ARMC10: variants seen among roughly 807,000 people sequenced by gnomAD.
ARMC10 encodes the protein armadillo repeat containing 10.
In ARMC10, 23 loss-of-function variants were observed where a neutral mutation model predicts 30.2. The ratio of observed to expected loss-of-function variants is 0.76; its 90% CI spans 0.55 to 1.08. ARMC10 has a LOEUF of 1.08. ARMC10 is among the 50% of genes least tolerant of loss of function. The pLI, the probability that ARMC10 is intolerant of heterozygous loss-of-function variation, is 0.00. For missense variants in ARMC10, 303 were observed against 413.7 expected (o/e 0.73, Z 2.32); for synonymous variants, 111 against 164.4 (o/e 0.68, Z 2.48).
Position 103,075,257 on chromosome 7 carries a change from C to G in ARMC10, c.-16C>G, listed in dbSNP as rs1378801151. 1 of 1,187,750 alleles carries G rather than the reference C, an allele frequency of 8.4e-7. No homozygotes were observed. The highest frequency in any genetic ancestry group is 3.7e-5 in the East Asian group (1 of 27,268). 73.6% of individuals were successfully genotyped at this position (1,187,750 alleles called of 1,614,324 possible). On this transcript the variant is annotated 5_prime_UTR_variant, in exon 1 of 7. Transcript: ENST00000323716. ...CCTGCCCTGGCCCGGCGCTGCGGCT[C>G]TGCCGCGGCGGCAGCATGGGTGGCC...
intron 2 of ARMC10, among the ~76,000 whole-genome samples, chr7:103,076,230 C>T (rs1254684143): frequency 2.6e-5 from 4 of 152,162 alleles, no homozygotes; most frequent in African/African-American, 9.7e-5. Context: ...CATACGTGTT[C>T]TCAAGATAAA....
At chr7:103,078,681 T>C (rs956947129) in intron 2 of ARMC10, among the ~76,000 whole-genome samples, 1 of 152,212 alleles carries the variant, frequency 6.6e-6, no homozygotes, top group Non-Finnish European at 1.5e-5. Flanking sequence ...TTTTGTTTTT[T>C]TTTGAGACGG....
intron 3 of ARMC10, chr7:103,084,147 C>A: frequency 1.3e-6 from 1 of 756,900 alleles, no homozygotes. Context: ...ACAATGAATG[C>A]ATCTAACATT....
intron 2 of ARMC10, 31 bp downstream of exon 2, chr7:103,075,912 TGC>T (rs1799739597): frequency 6.8e-7 from 1 of 1,476,994 alleles, no homozygotes; most frequent in Non-Finnish European, 9.2e-7. Context: ...AACAGTTGTC[TGC>T]GCGAGACACA....
At chr7:103,078,973 C>T (rs1800139091) in intron 2 of ARMC10, among the ~76,000 whole-genome samples, 1 of 152,108 alleles carries the variant, frequency 6.6e-6, no homozygotes, top group Non-Finnish European at 1.5e-5. Flanking sequence ...TGTGCCGCTG[C>T]TCTCCAGCCT....
chr7:103,086,890 A>G (rs1800911798), intron 4 of ARMC10, 126 bp downstream of exon 4: 1 of 1,525,920 alleles, frequency 6.6e-7, no homozygotes. Flanking sequence ...CTTTAGAGGA[A>G]TGGAGAATAA....
intron 4 of ARMC10, chr7:103,086,984 C>T: frequency 2.3e-6 from 3 of 1,288,982 alleles, no homozygotes; most frequent in Non-Finnish European, 3.1e-6. Context: ...GTTTATTCTA[C>T]AGGTTATCCT....
intron 2 of ARMC10, among the ~76,000 whole-genome samples, chr7:103,076,321 G>A (rs1191540481): frequency 6.6e-6 from 1 of 152,166 alleles, no homozygotes; most frequent in Non-Finnish European, 1.5e-5. Flanking sequence ...GGTAATTGGG[G>A]TGGTTGTTAT....
chr7:103,097,521 A>T (rs908253821), intron 6 of ARMC10, among the ~76,000 whole-genome samples, 173 bp downstream of exon 6: 1 of 152,216 alleles, frequency 6.6e-6, no homozygotes, highest in South Asian at 2.1e-4. Context: ...ATTTTTTGCA[A>T]TGAGCCTCTT....
In ARMC10 at chr7:103,097,313, A is replaced by T. The variant is rs1408024372; in HGVS notation, c.742A>T (p.Asn248Tyr). Residue 248 changes from asparagine to tyrosine, a missense_variant, in exon 6 of 7, where the codon AAT becomes TAT. Around this residue, in one of 4 missense-constraint regions of ARMC10, gnomAD observed 170 missense variants for 207.2 expected, o/e 0.82. Transcript: ENST00000323716. ...VLKLLLNLSE[N>Y]PAMTEGLLRA... ...GAAACTGCTTTTGAATTTGTCTGAA[A>T]ATCCAGCCATGACAGAAGGACTTCT... The T allele has an allele frequency of 1.2e-6, 2 of 1,613,878 alleles. No homozygotes were observed. Among genetic ancestry groups the T allele is most frequent in the Non-Finnish European group, 1.7e-6 (2 of 1,179,882 alleles).
At chr7:103,085,521 A>G (rs1233943596) in intron 3 of ARMC10, among the ~76,000 whole-genome samples, 1 of 152,078 alleles carries the variant, frequency 6.6e-6, no homozygotes, top group Non-Finnish European at 1.5e-5. Context: ...GTTTGAGCCA[A>G]AAGCACATGG....
intron 3 of ARMC10, among the ~76,000 whole-genome samples, chr7:103,085,957 G>A (rs1800811342): frequency 6.6e-6 from 1 of 152,076 alleles, no homozygotes; most frequent in South Asian, 2.1e-4. Flanking sequence ...GATTCTGCAA[G>A]ATATCAGTGC....
intron 6 of ARMC10, among the ~76,000 whole-genome samples, chr7:103,097,796 G>C (rs1348502885): frequency 6.6e-6 from 1 of 152,154 alleles, no homozygotes; most frequent in East Asian, 1.9e-4. Flanking sequence ...TATAACAAGT[G>C]AACAAGGTAA....
chr7:103,076,354 A>T (rs751821676), intron 2 of ARMC10, among the ~76,000 whole-genome samples: 6 of 152,222 alleles, frequency 3.9e-5, no homozygotes, highest in Non-Finnish European at 8.8e-5. Flanking sequence ...ATCCAGAGGA[A>T]AAATAAAAAT....
In ARMC10 at chr7:103,075,331, C is replaced by T. The variant is rs1799600793; in HGVS notation, c.59C>T (p.Ala20Val). Residue 20 changes from alanine to valine, a missense_variant, in exon 1 of 7, where the codon GCC (alanine) becomes GTC (valine). This residue lies in a region of ARMC10 where 96 missense variants were observed against 84.2 expected (regional missense o/e 1.14). Transcript: ENST00000323716. ...VAAGLLLGAG[A>V]CYCIYRLTRG... ...GCGGGCCTGCTGCTCGGCGCGGGCG[C>T]CTGCTACTGCATTTACAGGCTGACC... 1.6e-6 allele frequency: 2 copies of T among 1,249,478 alleles called. No individual in the cohort carries two copies. The highest frequency in any genetic ancestry group is 2.0e-6 in the Non-Finnish European group (2 of 996,746). The allele number at this position is 1,249,478 out of a possible 1,614,324, so 77.4% of individuals were successfully genotyped here.
intron 4 of ARMC10, among the ~76,000 whole-genome samples, chr7:103,092,070 C>T (rs550457899): frequency 6.6e-6 from 1 of 152,152 alleles, no homozygotes; most frequent in Non-Finnish European, 1.5e-5. Context: ...CAGTGGCTCA[C>T]GCCTGTAATC....
rs772073727 is a variant in ARMC10, at chr7:103,092,330, CAAAA to C, written c.529-129_529-126del. 353 of 233,376 alleles carry C rather than the reference CAAAA, an allele frequency of 1.5e-3. 1 individual carries two copies. The highest frequency in any genetic ancestry group is 3.6e-3 in the Middle Eastern group (3 of 822). 14.5% of individuals were successfully genotyped at this position (233,376 alleles called of 1,614,324 possible). On this transcript the variant is annotated intron_variant, in intron 4 of 6. Coordinates refer to ENST00000323716, the MANE Select transcript of ARMC10 (RefSeq NM_031905.5). ...CCTGGGAGACAGCGAGACTCCGTCTCAAAAAAAAAAAAAAAAAAAAAGTCGTATT... is the reference window on the plus strand; with the variant it reads ...CCTGGGAGACAGCGAGACTCCGTCTCAAAAAAAAAAAAAAAAAGTCGTATT...
chr7:103,083,539 T>C (rs1398090066), intron 2 of ARMC10, 143 bp from the exon 3 acceptor site: 1 of 688,558 alleles, frequency 1.5e-6, no homozygotes, highest in Non-Finnish European at 2.4e-6. Context: ...GGCAGGAAGA[T>C]CACTTGAGCC....
Position 103,086,686 on chromosome 7 carries a change from C to T in ARMC10, c.450C>T (p.Ser150=). 1.3e-6 allele frequency: 2 copies of T among 1,594,924 alleles called. No homozygotes were observed. The highest frequency in any genetic ancestry group is 8.5e-7 in the Non-Finnish European group (1 of 1,175,614). ...TTGTTGCAAACAAAATCAACCATTC[C>T]AACCAGAGTATTAAAGAGAAAGCTT... The part of the protein sequence containing the change: ...IPIVANKINH[S]NQSIKEKALN... The change falls in exon 4 of 7, where the codon TCC becomes TCT. Residue 150 remains serine (S), a synonymous_variant. Transcript: ENST00000323716.
Sources: gnomAD v4.1 joint callset for allele counts (sites outside exome capture counted in the v4.1 genomes callset) on GRCh38, gnomAD v4.1.1 for gene constraint, gnomAD v4.1.1 regional missense constraint, MANE v1.5 for transcripts, NCBI Gene and HGNC (gene_info 2026-07-23, HGNC 2026-07-21) for gene names.